The following CASP6 variants were observed in gnomAD, a reference collection of about 807,000 sequenced individuals.
CASP6 encodes the protein caspase 6.
A neutral mutation model predicts 31.8 loss-of-function variants in CASP6; 20 were observed. The observed-to-expected ratio is 0.63, with a 90% CI of 0.44 to 0.91. The LOEUF (loss-of-function observed/expected upper bound fraction) is 0.91, where lower values mean the gene tolerates loss of function less well. Ranked by LOEUF, CASP6 falls within the 40% of genes least tolerant of loss-of-function variation. The probability of loss-of-function intolerance (pLI) is 0.00; values close to 1 mark genes in which losing one functional copy is unlikely to be tolerated. For missense variants in CASP6, 328 were observed against 361.1 expected, an observed-to-expected ratio of 0.91 and a Z score of 0.74; for synonymous variants, 130 against 127.8, an observed-to-expected ratio of 1.02 and a Z score of -0.12.
chr4:109,694,728 A>G (rs1280211043), intron 4 of CASP6, 28 bp from the exon 5 acceptor site: 21 of 1,465,924 alleles, frequency 1.4e-5, no homozygotes, highest in Non-Finnish European at 1.8e-5. Context: ...GAGAATATAG[A>G]AATGAAAATA....
chr4:109,672,809 T>A, the CASP6 span, among the ~76,000 whole-genome samples: 1 of 152,344 alleles, frequency 6.6e-6, no homozygotes, highest in Admixed American at 6.5e-5. Flanking sequence ...CAGTGACTCC[T>A]GTGTCTTTGT....
At chr4:109,695,673 G>A (rs1460178624) in intron 4 of CASP6, among the ~76,000 whole-genome samples, 2 of 151,616 alleles carry the variant, frequency 1.3e-5, no homozygotes, top group African/African-American at 2.4e-5. Flanking sequence ...CCCAGGAGGT[G>A]GAGGCTGCAG....
chr4:109,705,999 AAAATATATATATATATATATATAT>A (rs1393071161), upstream of CASP6, among the ~76,000 whole-genome samples: 5 of 36,014 alleles, frequency 1.4e-4, no homozygotes, highest in Non-Finnish European at 2.3e-4. Flanking sequence ...AAAAAAAAAA[AAAATATATATATATATATATATAT>A]ATATATATAA....
chr4:109,695,802 C>T (rs533467422), intron 4 of CASP6, among the ~76,000 whole-genome samples: 7 of 151,476 alleles, frequency 4.6e-5, no homozygotes, highest in East Asian at 3.9e-4. Flanking sequence ...AAGCCAGGTG[C>T]GGTGCCATGA....
chr4:109,702,309 A>G (rs961862383), intron 1 of CASP6, among the ~76,000 whole-genome samples: 2 of 150,500 alleles, frequency 1.3e-5, no homozygotes, highest in African/African-American at 4.9e-5. Context: ...ACTCTAACCA[A>G]CTGCAGGCGT....
downstream of CASP6, chr4:109,687,583 AAAGAATTAATCTT>A: frequency 6.2e-7 from 1 of 1,604,576 alleles, no homozygotes; most frequent in Non-Finnish European, 8.5e-7. Flanking sequence ...AACTCAATGA[AAAGAATTAATCTT>A]ACAGTTTTAA....
intron 5 of CASP6, chr4:109,692,671 T>A (rs5030582): frequency 0.012 from 1,852 of 152,344 alleles, 13 homozygotes; most frequent in Middle Eastern, 0.024. Flanking sequence ...TCAGGCTGTA[T>A]TCAACACGAG....
upstream of CASP6, among the ~76,000 whole-genome samples, chr4:109,706,298 T>A (rs1301409756): frequency 6.6e-6 from 1 of 150,844 alleles, no homozygotes; most frequent in Non-Finnish European, 1.5e-5. Context: ...AAGACTTCAG[T>A]GAGGGAAGTC....
the CASP6 span, among the ~76,000 whole-genome samples, chr4:109,669,986 G>A: frequency 5.9e-5 from 9 of 152,156 alleles, no homozygotes; most frequent in South Asian, 6.2e-4. Context: ...TTGCTAGTCC[G>A]ATAATTCCAA....
intron 4 of CASP6, 62 bp from the exon 5 acceptor site, chr4:109,694,762 A>C (rs1159452659): frequency 1.4e-6 from 2 of 1,391,928 alleles, no homozygotes. Flanking sequence ...CTACACATAA[A>C]AATTCAGTTT....
At chr4:109,691,733 GC>G (rs1237079915) in intron 5 of CASP6, among the ~76,000 whole-genome samples, 2 of 152,152 alleles carry the variant, frequency 1.3e-5, no homozygotes, top group African/African-American at 2.4e-5. Flanking sequence ...GGAAGACAGG[GC>G]CTTTAGAGGT....
chr4:109,691,372 AGT>A (rs1730050321), intron 5 of CASP6, among the ~76,000 whole-genome samples: 1 of 152,152 alleles, frequency 6.6e-6, no homozygotes, highest in African/African-American at 2.4e-5. Context: ...TATTGACCTA[AGT>A]GTTTCTGTTT....
downstream of CASP6, chr4:109,684,305 G>A (rs554758919): frequency 1.4e-3 from 838 of 580,082 alleles, 14 homozygotes; most frequent in East Asian, 0.025. Context: ...CTCGTGATCC[G>A]CCCACCTCGG....
At chr4:109,706,019 T>C (rs1381666485), upstream of CASP6, among the ~76,000 whole-genome samples, 1 of 99,490 alleles carries the variant, frequency 1.0e-5, no homozygotes, top group Non-Finnish European at 1.9e-5. Context: ...TATATATATA[T>C]ATATATATAT....
chr4:109,677,921 C>T, the CASP6 span, among the ~76,000 whole-genome samples: 66 of 146,856 alleles, frequency 4.5e-4, no homozygotes, highest in East Asian at 0.013. Context: ...CAGATAAACA[C>T]GTGAACAAAG....
chr4:109,683,769 G>A (rs913549848), downstream of CASP6, among the ~76,000 whole-genome samples: 1 of 152,134 alleles, frequency 6.6e-6, no homozygotes, highest in Non-Finnish European at 1.5e-5. Flanking sequence ...ATCTGTAATG[G>A]GTTTTGTGTA....
chr4:109,685,706 A>G (rs1729824577), downstream of CASP6, among the ~76,000 whole-genome samples: 2 of 152,250 alleles, frequency 1.3e-5, no homozygotes, highest in South Asian at 4.1e-4. Flanking sequence ...TAAGGCATTT[A>G]TAAGTTTCTT....
chr4:109,678,028 T>C, the CASP6 span, among the ~76,000 whole-genome samples: 8 of 151,760 alleles, frequency 5.3e-5, no homozygotes, highest in South Asian at 2.1e-4. Context: ...TCTTAACGAG[T>C]ATGCTGCCTT....
rs1046286575 is a variant in CASP6 at position 109,694,841 on chromosome 4, G to GT, written c.308-142dup. The GT allele has an allele frequency of 2.9e-5, 24 of 815,456 alleles. No individual in the cohort carries two copies. The Admixed American group carries it at 4.7e-4, about 16-fold the overall frequency. 50.5% of individuals were successfully genotyped at this position (815,456 alleles called of 1,614,324 possible). On this transcript the variant is annotated intron_variant, in intron 4 of 6. Transcript: ENST00000265164. ...GAAAATTTGTGGTTTTGTCTTTTTTGTTTTTTTGAGACAGAGTTTCACTCT... is the reference window on the plus strand; with the variant it reads ...GAAAATTTGTGGTTTTGTCTTTTTTGTTTTTTTTGAGACAGAGTTTCACTCT...
Sources: gnomAD v4.1 joint callset for allele counts (sites outside exome capture counted in the v4.1 genomes callset) on GRCh38, gnomAD v4.1.1 for gene constraint, MANE v1.5 for transcripts, NCBI Gene and HGNC (gene_info 2026-07-23, HGNC 2026-07-21) for gene names.